The following SLCO3A1 variants were observed in gnomAD, a reference collection of about 807,000 sequenced individuals.
The protein encoded by SLCO3A1 is PGE1 transporter.
In SLCO3A1, 27 loss-of-function variants were observed where a neutral mutation model predicts 63.1. The ratio of observed to expected loss-of-function variants is 0.43; its 90% CI spans 0.32 to 0.59. The LOEUF (loss-of-function observed/expected upper bound fraction) is 0.59, where lower values mean the gene tolerates loss of function less well. Among genes scored for constraint, SLCO3A1 ranks in the 20% least tolerant of loss-of-function variants. The probability of loss-of-function intolerance (pLI) is 0.09; values close to 1 mark genes in which losing one functional copy is unlikely to be tolerated. For missense variants in SLCO3A1, 773 were observed against 945.8 expected, an observed-to-expected ratio of 0.82 and a Z score of 2.40; for synonymous variants, 473 against 409.9, an observed-to-expected ratio of 1.15 and a Z score of -1.86.
In SLCO3A1 at chr15:91,997,251, A is replaced by G. The variant is rs112916176; in HGVS notation, c.646+80793A>G. 2.8e-3 allele frequency among the ~76,000 whole-genome samples: 424 copies of G among 152,352 alleles called. 1 individual carries two copies. The highest frequency in any genetic ancestry group is 9.8e-3 in the African/African-American group (406 of 41,588). Reference sequence around the variant, plus strand: ...AATCAAGAATGCAATAACATTTACAATAGCTACATCCACACCCACACAAAA... The same window carrying G: ...AATCAAGAATGCAATAACATTTACAGTAGCTACATCCACACCCACACAAAA... On this transcript the variant is annotated intron_variant, in intron 2 of 9. Transcript: ENST00000318445.
At chr15:91,951,927 G>A (rs1449887926) in intron 2 of SLCO3A1, among the ~76,000 whole-genome samples, 1 of 152,074 alleles carries the variant, frequency 6.6e-6, no homozygotes, top group Non-Finnish European at 1.5e-5. Flanking sequence ...GAACTGCTGT[G>A]TCGTGTTGTA....
intron 2 of SLCO3A1, among the ~76,000 whole-genome samples, chr15:91,927,808 T>C (rs1414067920): frequency 6.6e-6 from 1 of 152,148 alleles, no homozygotes; most frequent in Admixed American, 6.5e-5. Context: ...CAGCAAGAGG[T>C]CTCATTAACA....
At chr15:91,963,061 G>C (rs1396677502) in intron 2 of SLCO3A1, among the ~76,000 whole-genome samples, 2 of 152,104 alleles carry the variant, frequency 1.3e-5, no homozygotes, top group Non-Finnish European at 2.9e-5. Context: ...ATGGGTCCGG[G>C]TGCTGGGGGT....
chr15:91,902,071 ATTCT>A (rs1020116966), intron 1 of SLCO3A1, among the ~76,000 whole-genome samples: 25 of 150,366 alleles, frequency 1.7e-4, no homozygotes, highest in Non-Finnish European at 3.0e-5. Context: ...TGATTTACTG[ATTCT>A]TTCTTCTGAC....
intron 2 of SLCO3A1, among the ~76,000 whole-genome samples, chr15:91,971,354 C>G (rs113259622): frequency 0.048 from 5,485 of 114,386 alleles, 251 homozygotes; most frequent in African/African-American, 0.12. Flanking sequence ...GAGGTCGTGC[C>G]ACTGCACTCC....
chr15:92,020,612 G>A (rs16946282), intron 2 of SLCO3A1, among the ~76,000 whole-genome samples: 6,026 of 152,272 alleles, frequency 0.04, 432 homozygotes, highest in African/African-American at 0.14. Flanking sequence ...GAAGTGAGGA[G>A]GATGGATAGA....
At chr15:92,158,266 G>T (rs2048396181) in intron 9 of SLCO3A1, among the ~76,000 whole-genome samples, 1 of 152,180 alleles carries the variant, frequency 6.6e-6, no homozygotes, top group African/African-American at 2.4e-5. Flanking sequence ...CTTCAAGCCA[G>T]TTACGCCAGG....
intron 1 of SLCO3A1, among the ~76,000 whole-genome samples, chr15:91,871,785 T>G (rs1897287753): frequency 6.9e-6 from 1 of 144,166 alleles, no homozygotes; most frequent in African/African-American, 2.7e-5. Flanking sequence ...TTTTTTTTTT[T>G]GGCTGATAAG....
In SLCO3A1 at chr15:91,860,193, G is replaced by A. The variant is rs1227544219; in HGVS notation, c.180+6105G>A. On this transcript the variant is annotated intron_variant, in intron 1 of 9. Coordinates refer to ENST00000318445, the MANE Select transcript of SLCO3A1 (RefSeq NM_013272.4). The surrounding 1 kb of genome is among the most constrained non-coding windows in gnomAD (Gnocchi z 5.5). ...GCAGGTACCCTGATGCTTCACTTTG[G>A]GAGGTCCTCAGTATCTCTTGCTGTG... Among the ~76,000 whole-genome samples the A allele has an allele frequency of 6.6e-6, 1 of 152,174 alleles. No homozygotes were observed. The highest frequency in any genetic ancestry group is 1.5e-5 in the Non-Finnish European group (1 of 68,030).
intron 1 of SLCO3A1, among the ~76,000 whole-genome samples, chr15:91,858,459 A>G (rs1341285907): frequency 3.3e-5 from 5 of 152,172 alleles, no homozygotes; most frequent in South Asian, 2.1e-4. Context: ...AATTCTTTTC[A>G]GCCAGGTTTG....
chr15:92,101,563 C>T (rs1596102283), intron 3 of SLCO3A1, among the ~76,000 whole-genome samples: 1 of 152,132 alleles, frequency 6.6e-6, no homozygotes, highest in Non-Finnish European at 1.5e-5. Context: ...CAAGACATTT[C>T]TCAGACGGGT....
intron 7 of SLCO3A1, 104 bp from the exon 8 acceptor site, chr15:92,146,880 C>T: frequency 9.4e-7 from 1 of 1,068,672 alleles, no homozygotes; most frequent in Non-Finnish European, 1.3e-6. Context: ...AATGGAATGC[C>T]ACAGAATGTG....
chr15:91,923,621 C>CT (rs1249056542), intron 2 of SLCO3A1, among the ~76,000 whole-genome samples: 1 of 152,138 alleles, frequency 6.6e-6, no homozygotes. Flanking sequence ...GCTCAATTTT[C>CT]TTTTAAATAA....
chr15:92,090,873 A>G (rs768011501), intron 2 of SLCO3A1, among the ~76,000 whole-genome samples: 4 of 152,144 alleles, frequency 2.6e-5, no homozygotes, highest in Admixed American at 6.5e-5. Context: ...AGGTCATTCA[A>G]TCCTCACCAC....
In SLCO3A1 at chr15:91,875,472, A is replaced by G. The variant is rs953128080; in HGVS notation, c.180+21384A>G. 3.3e-5 allele frequency among the ~76,000 whole-genome samples: 5 copies of G among 152,182 alleles called. No homozygotes were observed. The highest frequency in any genetic ancestry group is 9.6e-5 in the African/African-American group (4 of 41,456). Reference sequence around the variant, plus strand: ...TTCCAATCCCAGCTCTGCCCGTCACATGTGACGTAAACCTAGGTTGGTTCC... The same window carrying G: ...TTCCAATCCCAGCTCTGCCCGTCACGTGTGACGTAAACCTAGGTTGGTTCC... On this transcript the variant is annotated intron_variant, in intron 1 of 9. Coordinates refer to ENST00000318445, the MANE Select transcript of SLCO3A1 (RefSeq NM_013272.4). The surrounding 1 kb of genome is among the most constrained non-coding windows in gnomAD (Gnocchi z 4.5).
At position 91,885,942 on chromosome 15, in the gene SLCO3A1, G is replaced by C. The variant is rs142804307; in HGVS notation, c.181-30051G>C. Among the ~76,000 whole-genome samples, 12 of 152,298 alleles carry C rather than the reference G, an allele frequency of 7.9e-5. No homozygotes were observed. In the East Asian group the frequency reaches 2.3e-3, roughly 29 times the overall value. On this transcript the variant is annotated intron_variant, in intron 1 of 9. Transcript: ENST00000318445. The surrounding 1 kb of genome is among the most constrained non-coding windows in gnomAD (Gnocchi z 4.7). ...TTGAAATATGCTTGATGTGGTCGGG[G>C]AGTGGAAAGACCAGTGTGTCTCTAG... is the stretch of plus-strand genomic sequence containing the variant.
At chr15:92,029,381 T>A (rs2046617813) in intron 2 of SLCO3A1, among the ~76,000 whole-genome samples, 1 of 152,186 alleles carries the variant, frequency 6.6e-6, no homozygotes, top group South Asian at 2.1e-4. Context: ...CTCTGGGGAT[T>A]AAAGATGTTT....
intron 2 of SLCO3A1, among the ~76,000 whole-genome samples, chr15:91,998,326 C>A (rs1336968477): frequency 6.6e-6 from 1 of 151,928 alleles, no homozygotes; most frequent in Non-Finnish European, 1.5e-5. Flanking sequence ...TGGTGGCGCA[C>A]CCCTGTAATC....
chr15:92,007,354 T>G (rs1227767907), intron 2 of SLCO3A1, among the ~76,000 whole-genome samples: 1 of 152,140 alleles, frequency 6.6e-6, no homozygotes, highest in Non-Finnish European at 1.5e-5. Context: ...TGAAGGGACA[T>G]TGGATGGATA....
Sources: gnomAD v4.1 joint callset for allele counts (sites outside exome capture counted in the v4.1 genomes callset) on GRCh38, gnomAD v4.1.1 for gene constraint, Gnocchi (gnomAD v3.1) non-coding constraint, MANE v1.5 for transcripts, NCBI Gene and HGNC (gene_info 2026-07-23, HGNC 2026-07-21) for gene names.